The following SLC44A5 variants were observed in gnomAD, a reference collection of about 807,000 sequenced individuals.
The protein encoded by SLC44A5 is solute carrier family 44 member 5.
Under a neutral mutation model 101.8 loss-of-function variants are expected in SLC44A5, and 57 were observed. The ratio of observed to expected loss-of-function variants is 0.56; its 90% CI spans 0.45 to 0.70. The LOEUF is 0.70. Among genes scored for constraint, SLC44A5 ranks in the 30% least tolerant of loss-of-function variants. The pLI is 0.00. For missense variants in SLC44A5, 737 were observed against 853.1 expected, an observed-to-expected ratio of 0.86 and a Z score of 1.70; for synonymous variants, 281 against 290.9, an observed-to-expected ratio of 0.97 and a Z score of 0.35.
chr1:75,234,878 T>G (rs993619460), intron 11 of SLC44A5, among the ~76,000 whole-genome samples: 3 of 152,082 alleles, frequency 2.0e-5, no homozygotes, highest in Non-Finnish European at 4.4e-5. Context: ...ATTGGAGTCT[T>G]CTAATGTAAT....
chr1:75,388,232 A>AAATAAATAAATC (rs1404071864), intron 3 of SLC44A5, among the ~76,000 whole-genome samples: 30 of 148,642 alleles, frequency 2.0e-4, no homozygotes, highest in Middle Eastern at 6.8e-3. Flanking sequence ...ATAAATAAAT[A>AAATAAATAAATC]AATCCAAAAA....
At chr1:75,221,242 C>A (rs1209489305) in intron 14 of SLC44A5, among the ~76,000 whole-genome samples, 2 of 152,120 alleles carry the variant, frequency 1.3e-5, no homozygotes, top group African/African-American at 4.8e-5. Context: ...TCCTTAAAGA[C>A]TGTTAAAAAT....
At chr1:75,681,032 G>A in the SLC44A5 span, among the ~76,000 whole-genome samples, 1 of 149,564 alleles carries the variant, frequency 6.7e-6, no homozygotes, top group African/African-American at 2.5e-5. Context: ...TAAATTCCTT[G>A]ACACATACAC....
intron 2 of SLC44A5, among the ~76,000 whole-genome samples, chr1:75,460,257 G>A (rs1020335373): frequency 6.6e-6 from 1 of 152,128 alleles, no homozygotes; most frequent in Non-Finnish European, 1.5e-5. Flanking sequence ...CATTATTAAA[G>A]TACTCTGCTT....
chr1:75,364,540 T>C (rs573766627), intron 3 of SLC44A5, among the ~76,000 whole-genome samples: 10 of 152,218 alleles, frequency 6.6e-5, no homozygotes, highest in African/African-American at 2.2e-4. Flanking sequence ...ACCTCCAACA[T>C]TGGAAATTAT....
At chr1:75,683,051 A>C in the SLC44A5 span, among the ~76,000 whole-genome samples, 1 of 152,090 alleles carries the variant, frequency 6.6e-6, no homozygotes, top group Non-Finnish European at 1.5e-5. Context: ...CAAAACCACA[A>C]TGAGATACCA....
intron 13 of SLC44A5, among the ~76,000 whole-genome samples, chr1:75,223,291 C>T (rs1052157776): frequency 2.6e-5 from 4 of 152,124 alleles, no homozygotes; most frequent in African/African-American, 7.2e-5. Flanking sequence ...ACAGTAAATA[C>T]CATCTGCTCT....
chr1:75,393,366 G>A (rs1460736817), intron 3 of SLC44A5, among the ~76,000 whole-genome samples: 3 of 152,020 alleles, frequency 2.0e-5, no homozygotes, highest in African/African-American at 7.3e-5. Flanking sequence ...ATACACATAT[G>A]CCCATACATA....
intron 1 of SLC44A5, among the ~76,000 whole-genome samples, chr1:75,602,003 C>T (rs1675009634): frequency 6.6e-6 from 1 of 152,082 alleles, no homozygotes; most frequent in Admixed American, 6.6e-5. Context: ...TATTCCAGTC[C>T]TTTAATACAA....
the SLC44A5 span, among the ~76,000 whole-genome samples, chr1:75,671,011 GC>G: frequency 1.3e-5 from 2 of 152,222 alleles, no homozygotes; most frequent in Non-Finnish European, 2.9e-5. Context: ...ACATAGGGAA[GC>G]ACCAAGGTCA....
chr1:75,269,049 T>C (rs926357401), intron 6 of SLC44A5, among the ~76,000 whole-genome samples: 2 of 152,138 alleles, frequency 1.3e-5, no homozygotes, highest in Non-Finnish European at 2.9e-5. Flanking sequence ...CAAATTACAC[T>C]ACTGCCAGTA....
chr1:75,634,354 ACT>A, the SLC44A5 span, among the ~76,000 whole-genome samples: 43 of 151,876 alleles, frequency 2.8e-4, no homozygotes, highest in Non-Finnish European at 4.9e-4. Flanking sequence ...CTGGTCCTGG[ACT>A]CTTTTTGGTT....
the SLC44A5 span, among the ~76,000 whole-genome samples, chr1:75,692,048 A>G: frequency 6.6e-6 from 1 of 152,170 alleles, no homozygotes; most frequent in Admixed American, 6.5e-5. Context: ...TAAGTGTGCA[A>G]CTACAGTGTT....
intron 2 of SLC44A5, among the ~76,000 whole-genome samples, chr1:75,429,801 G>A (rs1557775753): frequency 1.3e-5 from 2 of 152,144 alleles, no homozygotes; most frequent in Non-Finnish European, 2.9e-5. Flanking sequence ...CTGCAAGGAT[G>A]GCACCATGCT....
chr1:75,329,951 G>A (rs6670185), intron 4 of SLC44A5, among the ~76,000 whole-genome samples: 3,396 of 151,978 alleles, frequency 0.022, 126 homozygotes, highest in African/African-American at 0.079. Flanking sequence ...CCCAGCTTCA[G>A]TCACCTCAAG....
chr1:75,613,619 T>G (rs926251846), upstream of SLC44A5, among the ~76,000 whole-genome samples: 4 of 152,256 alleles, frequency 2.6e-5, no homozygotes, highest in Non-Finnish European at 4.4e-5. Flanking sequence ...ACATAACTTT[T>G]CCTTTAAGAA....
At chr1:75,654,831 T>C in the SLC44A5 span, among the ~76,000 whole-genome samples, 1 of 152,136 alleles carries the variant, frequency 6.6e-6, no homozygotes, top group Non-Finnish European at 1.5e-5. Context: ...TAATACTCTT[T>C]CTCTTTCTAT....
intron 1 of SLC44A5, among the ~76,000 whole-genome samples, chr1:75,541,986 T>C (rs979111491): frequency 1.3e-5 from 2 of 152,154 alleles, no homozygotes; most frequent in Non-Finnish European, 2.9e-5. Flanking sequence ...GAGGGGTTTT[T>C]TAAATGGTAT....
intron 12 of SLC44A5, among the ~76,000 whole-genome samples, chr1:75,233,483 A>T (rs1647785266): frequency 6.6e-6 from 1 of 152,088 alleles, no homozygotes; most frequent in African/African-American, 2.4e-5. Context: ...GTAATTCTCC[A>T]TACAAAAGTG....
Sources: gnomAD v4.1 joint callset for allele counts (sites outside exome capture counted in the v4.1 genomes callset) on GRCh38, gnomAD v4.1.1 for gene constraint, MANE v1.5 for transcripts, NCBI Gene and HGNC (gene_info 2026-07-23, HGNC 2026-07-21) for gene names.